Variants in ABCC11 observed in about 807,000 individuals in gnomAD.
The protein encoded by ABCC11 is ATP binding cassette subfamily C member 11.
In ABCC11, 135 loss-of-function variants were observed where a neutral mutation model predicts 149.3. The observed-to-expected ratio is 0.90, with a 90% CI of 0.79 to 1.04. The LOEUF (loss-of-function observed/expected upper bound fraction) is 1.04. Among genes scored for constraint, ABCC11 ranks in the 50% least tolerant of loss-of-function variants. ABCC11 has a pLI of 0.00. For missense variants in ABCC11, 1,680 were observed against 1,722.1 expected (o/e 0.98, Z 0.43); for synonymous variants, 665 against 671.4 (o/e 0.99, Z 0.15).
intron 20 of ABCC11, among the ~76,000 whole-genome samples, chr16:48,190,377 A>T (rs1025783295): frequency 1.7e-4 from 25 of 150,782 alleles, no homozygotes; most frequent in African/African-American, 4.4e-4. Context: ...TTTTTTTTTT[A>T]AATGAGATAG....
chr16:48,215,457 G>C (rs1969266168), intron 7 of ABCC11, 113 bp from the exon 8 acceptor site: 4 of 1,279,338 alleles, frequency 3.1e-6, no homozygotes, highest in Non-Finnish European at 3.2e-6. Context: ...CCAAAGAGAG[G>C]TTTTCCAATC....
At chr16:48,210,279 T>C (rs890590280) in intron 11 of ABCC11, 1 of 152,016 alleles carries the variant, frequency 6.6e-6, no homozygotes, top group African/African-American at 2.4e-5. Context: ...CTAGAGATAA[T>C]AGCACAGAGA....
At chr16:48,225,147 T>C (rs901797831) in intron 4 of ABCC11, among the ~76,000 whole-genome samples, 1 of 150,204 alleles carries the variant, frequency 6.7e-6, no homozygotes, top group Non-Finnish European at 1.5e-5. Context: ...GGGAGGTGAG[T>C]TGAACCAGTG....
At position 48,203,279 on chromosome 16, in the gene ABCC11, G is replaced by A. The variant is rs2150830949; in HGVS notation, c.1827C>T (p.Cys609=). Residue 609 remains cysteine, a synonymous_variant, in exon 14 of 30, where the codon TGC becomes TGT. Coordinates refer to ENST00000356608, the MANE Select transcript of ABCC11 (RefSeq NM_001370497.1). ...GTTCCAGGTCCCGATTCAGGGAGCA[G>A]CAGTGGAGCACCTGGAGGTATCTGT... ...DKARYLQVLH[C]CSLNRDLELL... 1 of 1,583,056 alleles carries A rather than the reference G, an allele frequency of 6.3e-7. No homozygotes were observed. The highest frequency in any genetic ancestry group is 8.6e-7 in the Non-Finnish European group (1 of 1,163,762).
At chr16:48,198,351 G>T in intron 15 of ABCC11, 76 bp from the exon 16 acceptor site, 1 of 1,449,468 alleles carries the variant, frequency 6.9e-7, no homozygotes. Context: ...CCAGGAAAAT[G>T]TAAATTTAAA....
chr16:48,226,557 G>A (rs968519392), intron 4 of ABCC11, among the ~76,000 whole-genome samples: 5 of 152,100 alleles, frequency 3.3e-5, no homozygotes, highest in East Asian at 1.9e-4. Context: ...GATTACAGGC[G>A]TGAGCCACTG....
intron 22 of ABCC11, among the ~76,000 whole-genome samples, chr16:48,185,005 C>T (rs1423046607): frequency 2.0e-5 from 3 of 152,174 alleles, no homozygotes; most frequent in Non-Finnish European, 4.4e-5. Context: ...ATATCTGAAA[C>T]TACCATTCTG....
At chr16:48,226,703 T>C (rs1459898484) in intron 4 of ABCC11, among the ~76,000 whole-genome samples, 2 of 152,242 alleles carry the variant, frequency 1.3e-5, no homozygotes, top group East Asian at 3.8e-4. Flanking sequence ...ACCATTTCTT[T>C]TTTTCTTACC....
intron 20 of ABCC11, among the ~76,000 whole-genome samples, chr16:48,190,562 C>T (rs191231005): frequency 4.5e-4 from 69 of 152,202 alleles, no homozygotes; most frequent in African/African-American, 1.5e-3. Context: ...CAAGATTTTG[C>T]CTTGTTGCCC....
chr16:48,238,653 C>G (rs1482275553), intron 1 of ABCC11, among the ~76,000 whole-genome samples: 3 of 151,732 alleles, frequency 2.0e-5, no homozygotes, highest in Admixed American at 2.0e-4. Flanking sequence ...TCCATAAAAA[C>G]TAGGCCGGGC....
chr16:48,226,972 G>A (rs1483660021), intron 4 of ABCC11, among the ~76,000 whole-genome samples: 1 of 152,152 alleles, frequency 6.6e-6, no homozygotes, highest in African/African-American at 2.4e-5. Flanking sequence ...ATGAATACAG[G>A]ATCTTTAAAA....
At chr16:48,214,557 C>T (rs1318729962) in intron 9 of ABCC11, among the ~76,000 whole-genome samples, 1 of 152,176 alleles carries the variant, frequency 6.6e-6, no homozygotes, top group Non-Finnish European at 1.5e-5. Flanking sequence ...TTAAAGTGCA[C>T]TCCCAGGGCC....
At chr16:48,182,782 CAAAAA>C (rs558410509) in intron 23 of ABCC11, among the ~76,000 whole-genome samples, 1 of 73,454 alleles carries the variant, frequency 1.4e-5, no homozygotes, top group Non-Finnish European at 2.8e-5. Flanking sequence ...GACTCCATCT[CAAAAA>C]AAAAAAAAAA....
At chr16:48,231,673 AAAAGAGAG>A (rs1438461412) in intron 2 of ABCC11, 142 bp downstream of exon 2, 4 of 1,106,084 alleles carry the variant, frequency 3.6e-6, no homozygotes, top group African/African-American at 3.5e-5. Context: ...AAAAAAAAAA[AAAAGAGAG>A]AGAGAGAGAG....
chr16:48,202,720 G>T (rs577540707), intron 14 of ABCC11, among the ~76,000 whole-genome samples: 22 of 152,252 alleles, frequency 1.4e-4, no homozygotes, highest in African/African-American at 3.6e-4. Context: ...CACTAGAATA[G>T]CACCTTGCAT....
rs545211658 is a variant in ABCC11 at position 48,214,212 on chromosome 16, T to C, written c.1249-662A>G. On this transcript the variant is annotated intron_variant, in intron 9 of 29. Transcript: ENST00000356608. The stretch of plus-strand genomic sequence containing the variant: ...AGACCTGCCTTGTGTCATCTCAGTG[T>C]GAGCCTCAAGTACCTCTGAAAGTAT... Among the ~76,000 whole-genome samples the C allele has an allele frequency of 3.3e-5, 5 of 152,148 alleles. No individual in the cohort carries two copies. In the South Asian group the frequency reaches 1.0e-3, roughly 32 times the overall value.
At chr16:48,177,260 G>A (rs1483763554) in intron 24 of ABCC11, 147 bp from the exon 25 acceptor site, 2 of 799,558 alleles carry the variant, frequency 2.5e-6, no homozygotes, top group Non-Finnish European at 3.8e-6. Context: ...TGTAATCAGA[G>A]GAACATCGCC....
chr16:48,168,370 G>C (rs575460064), intron 28 of ABCC11, among the ~76,000 whole-genome samples: 1 of 152,300 alleles, frequency 6.6e-6, no homozygotes, highest in South Asian at 2.1e-4. Context: ...CCAAAGAAGA[G>C]GGGGAAAGTC....
chr16:48,172,509 C>A (rs532740815), intron 26 of ABCC11, among the ~76,000 whole-genome samples: 1 of 151,498 alleles, frequency 6.6e-6, no homozygotes, highest in African/African-American at 2.4e-5. Context: ...CTCACTACAG[C>A]GTTGACCTCT....
Sources: gnomAD v4.1 joint callset for allele counts (sites outside exome capture counted in the v4.1 genomes callset) on GRCh38, gnomAD v4.1.1 for gene constraint, MANE v1.5 for transcripts, NCBI Gene and HGNC (gene_info 2026-07-23, HGNC 2026-07-21) for gene names.